FNDC3B: variants seen among roughly 807,000 people sequenced by gnomAD.
FNDC3B encodes the protein fibronectin type III domain containing 3B.
Under a neutral mutation model 151.5 loss-of-function variants are expected in FNDC3B, and 12 were observed. The observed-to-expected ratio is 0.08, with a 90% CI of 0.05 to 0.13. FNDC3B has a LOEUF of 0.13. FNDC3B is among the 10% of genes least tolerant of loss of function. The probability of loss-of-function intolerance (pLI) is 1.00; values close to 1 mark genes in which losing one functional copy is unlikely to be tolerated. For synonymous variants in FNDC3B, 528 were observed against 549.0 expected (o/e 0.96, Z 0.54); for missense variants, 1,214 against 1,505.3 (o/e 0.81, Z 3.20).
chr3:172,268,130 CAT>C (rs1441160706), intron 6 of FNDC3B, among the ~76,000 whole-genome samples: 1 of 152,206 alleles, frequency 6.6e-6, no homozygotes, highest in East Asian at 1.9e-4. Context: ...ATTTTAACTA[CAT>C]ATGAAGTACT....
At chr3:172,209,537 A>G (rs376387006) in intron 3 of FNDC3B, among the ~76,000 whole-genome samples, 1 of 152,026 alleles carries the variant, frequency 6.6e-6, no homozygotes, top group Non-Finnish European at 1.5e-5. Context: ...GGGGGTTTTT[A>G]TGGGCTCAGA....
At chr3:172,137,974 A>G (rs904285905) in intron 3 of FNDC3B, among the ~76,000 whole-genome samples, 26 of 152,218 alleles carry the variant, frequency 1.7e-4, no homozygotes, top group Non-Finnish European at 1.5e-4. Flanking sequence ...GAATTAATAG[A>G]GGGCACACTT....
At chr3:172,181,777 C>T (rs1305528203) in intron 3 of FNDC3B, among the ~76,000 whole-genome samples, 2 of 139,392 alleles carry the variant, frequency 1.4e-5, no homozygotes, top group Non-Finnish European at 3.0e-5. Flanking sequence ...TGCAGTGAGC[C>T]GAGATCACGC....
intron 3 of FNDC3B, among the ~76,000 whole-genome samples, chr3:172,182,351 G>A (rs1268839030): frequency 6.6e-6 from 1 of 152,196 alleles, no homozygotes; most frequent in African/African-American, 2.4e-5. Context: ...CAGGGCTGAA[G>A]GTTGAGTCGT....
chr3:172,109,861 A>G (rs2108536295), intron 1 of FNDC3B, among the ~76,000 whole-genome samples: 1 of 152,338 alleles, frequency 6.6e-6, no homozygotes, highest in South Asian at 2.1e-4. Flanking sequence ...GTGCCAGTGG[A>G]CTTCTTTGGT....
chr3:172,145,552 A>C (rs1368880439), intron 3 of FNDC3B, among the ~76,000 whole-genome samples: 1 of 152,216 alleles, frequency 6.6e-6, no homozygotes, highest in Non-Finnish European at 1.5e-5. Context: ...AGAATGTCTT[A>C]TGCTAGATCC....
Position 172,177,678 on chromosome 3 carries a change from A to C in FNDC3B, c.187+44132A>C, listed in dbSNP as rs187753347. Among the ~76,000 whole-genome samples, 22 of 118,172 alleles carry C rather than the reference A, an allele frequency of 1.9e-4. No homozygotes were observed. In the East Asian group the frequency reaches 5.2e-3, roughly 28 times the overall value. 77.5% of individuals were successfully genotyped at this position (118,172 alleles called of 152,430 possible). A position where few individuals can be genotyped will look rare whatever the true frequency, so the allele number is the denominator to read the frequency against. The stretch of plus-strand genomic sequence containing the variant: ...GGGGCAAATTGAAGCTTAGAAAGGA[A>C]CTTTTTCTTTTCTTTTATAAAATTT... On this transcript the variant is annotated intron_variant, in intron 3 of 25. Transcript: ENST00000415807.
intron 24 of FNDC3B, among the ~76,000 whole-genome samples, chr3:172,379,734 A>G (rs1735341142): frequency 6.6e-6 from 1 of 152,190 alleles, no homozygotes. Flanking sequence ...GTACCAAGGA[A>G]GGGTGGCCAC....
intron 1 of FNDC3B, among the ~76,000 whole-genome samples, chr3:172,105,799 A>G (rs1270037733): frequency 6.6e-6 from 1 of 152,146 alleles, no homozygotes; most frequent in East Asian, 1.9e-4. Flanking sequence ...TTGACCCACT[A>G]TAGATTCTCA....
chr3:172,215,489 C>T lies in FNDC3B; in HGVS notation c.188-11382C>T, dbSNP rs143406128. On this transcript the variant is annotated intron_variant, in intron 3 of 25. Transcript: ENST00000415807. Reference sequence around the variant, plus strand: ...CTGTTATCCCAGCACTTTGGAAGGCCGAGGTGAGTGGATCACCTGAGGTCA... The same window carrying T: ...CTGTTATCCCAGCACTTTGGAAGGCTGAGGTGAGTGGATCACCTGAGGTCA... Among the ~76,000 whole-genome samples, 19 of 152,298 alleles carry T rather than the reference C, an allele frequency of 1.2e-4. No homozygotes were observed. The East Asian group carries it at 2.7e-3, about 22-fold the overall frequency.
intron 2 of FNDC3B, 99 bp from the exon 3 acceptor site, chr3:172,133,372 G>A (rs1017530145): frequency 2.2e-6 from 2 of 904,610 alleles, no homozygotes; most frequent in African/African-American, 1.7e-5. Context: ...AAGATTTTAT[G>A]CCACATGCTT....
intron 2 of FNDC3B, among the ~76,000 whole-genome samples, chr3:172,120,609 C>T (rs978816642): frequency 6.6e-6 from 1 of 151,366 alleles, no homozygotes; most frequent in Non-Finnish European, 1.5e-5. Context: ...GTTTTTTTAC[C>T]TTTAGTTTAA....
At chr3:172,197,180 C>CAAAAT (rs1171631643) in intron 3 of FNDC3B, among the ~76,000 whole-genome samples, 39 of 150,622 alleles carry the variant, frequency 2.6e-4, no homozygotes, top group East Asian at 9.7e-4. Flanking sequence ...GACTCTGTCT[C>CAAAAT]AAAATAAAAT....
intron 4 of FNDC3B, chr3:172,237,658 G>A (rs1727237512): frequency 6.6e-6 from 1 of 152,194 alleles, no homozygotes; most frequent in Non-Finnish European, 1.5e-5. Flanking sequence ...ACATAAATGA[G>A]AGTGCTCATA....
In FNDC3B at chr3:172,133,929, C is replaced by G. The variant is rs115501358; in HGVS notation, c.187+383C>G. Reference sequence around the variant, plus strand: ...ATGTTACCGCAGCTGGCTTCAGAGCCAATAACTAGAGGGCAAGAGGGAGCT... The same window carrying G: ...ATGTTACCGCAGCTGGCTTCAGAGCGAATAACTAGAGGGCAAGAGGGAGCT... On this transcript the variant is annotated intron_variant, in intron 3 of 25. Transcript: ENST00000415807. 3.0e-3 allele frequency among the ~76,000 whole-genome samples: 458 copies of G among 152,210 alleles called. 3 individuals are homozygous for G. The highest frequency in any genetic ancestry group is 0.011 in the African/African-American group (437 of 41,530).
chr3:172,251,438 T>C lies in FNDC3B; in HGVS notation c.687T>C (p.His229=), dbSNP rs35366330. 0.018 allele frequency: 29,786 copies of C among 1,613,822 alleles called. 1,184 individuals are homozygous for C. Among genetic ancestry groups the C allele is most frequent in the African/African-American group, 0.16 (12,018 of 74,902 alleles). ...TATACAATGGCTATGGGAAGGGCCA[T>C]AGTGGTGGAAGTGGCGGAGGCGGCA... ...TTVYNGYGKG[H]SGGSGGGGSG... Residue 229 remains histidine, a synonymous_variant, in exon 6 of 26, where the codon CAT becomes CAC. Coordinates refer to ENST00000415807, the MANE Select transcript of FNDC3B (RefSeq NM_022763.4).
intron 4 of FNDC3B, among the ~76,000 whole-genome samples, chr3:172,231,105 A>G (rs773536068): frequency 9.9e-5 from 15 of 152,244 alleles, no homozygotes; most frequent in Admixed American, 2.0e-4. Flanking sequence ...TCTTCACACA[A>G]TGGACTATTA....
chr3:172,107,550 A>T (rs1413707586), intron 1 of FNDC3B, among the ~76,000 whole-genome samples: 2 of 152,202 alleles, frequency 1.3e-5, no homozygotes, highest in Non-Finnish European at 2.9e-5. Flanking sequence ...TCAGATACAC[A>T]TCTGTCTAGG....
chr3:172,280,141 C>G (rs918892929), intron 6 of FNDC3B, among the ~76,000 whole-genome samples: 1 of 152,314 alleles, frequency 6.6e-6, no homozygotes, highest in Middle Eastern at 3.4e-3. Context: ...TCTTGAACTC[C>G]TGGGCTCAAG....
Sources: allele counts gnomAD v4.1 joint callset (sites outside exome capture counted in the v4.1 genomes callset), GRCh38; gene constraint gnomAD v4.1.1; transcripts MANE v1.5; gene names NCBI Gene and HGNC (gene_info 2026-07-23, HGNC 2026-07-21).